MACF1: variants seen among roughly 807,000 people sequenced by gnomAD.
The protein encoded by MACF1 is microtubule actin crosslinking factor 1.
In MACF1, 193 loss-of-function variants were observed where a neutral mutation model predicts 854.8. That is an observed-to-expected ratio of 0.23 (90% confidence interval 0.20 to 0.25). MACF1 has a LOEUF of 0.25. Among genes scored for constraint, MACF1 ranks in the 10% least tolerant of loss-of-function variants. The pLI is 1.00. For synonymous variants in MACF1, 3,185 were observed against 3,226.7 expected (o/e 0.99, Z 0.44); for missense variants, 7,722 against 8,929.1 (o/e 0.86, Z 5.45).
chr1:39,430,971 T>TAC lies in MACF1; in HGVS notation c.17337+64_17337+65insCA. The TAC allele has an allele frequency of 5.7e-6, 8 of 1,392,104 alleles. No individual in the cohort carries two copies. The East Asian group carries it at 9.2e-5, about 16-fold the overall frequency. 86.2% of individuals were successfully genotyped at this position (1,392,104 alleles called of 1,614,324 possible). ...AGTATTGATGTGTGAGATACAGTACTATGACCCACATAAATACAGACTCAG... is the reference window on the plus strand; with the variant it reads ...AGTATTGATGTGTGAGATACAGTACTACATGACCCACATAAATACAGACTCAG... On this transcript the variant is annotated intron_variant, in intron 66 of 100. Coordinates refer to ENST00000564288, the MANE Select transcript of MACF1 (RefSeq NM_001394062.1).
At chr1:39,345,711 C>G (rs953853889) in intron 40 of MACF1, among the ~76,000 whole-genome samples, 2 of 152,158 alleles carry the variant, frequency 1.3e-5, no homozygotes, top group Non-Finnish European at 2.9e-5. Context: ...AAATTTGAAC[C>G]TAAGAAAGTA....
chr1:39,140,721 C>T (rs990292513), intron 2 of MACF1, among the ~76,000 whole-genome samples: 1 of 151,968 alleles, frequency 6.6e-6, no homozygotes, highest in African/African-American at 2.4e-5. Context: ...TCAAGACTAT[C>T]CTGGCCAACA....
chr1:39,357,991 C>A, intron 45 of MACF1, 98 bp downstream of exon 45: 1 of 1,232,462 alleles, frequency 8.1e-7, no homozygotes, highest in Non-Finnish European at 1.1e-6. Flanking sequence ...CTCCAGGACA[C>A]AGTAGGAGAG....
rs184062252 is a variant in MACF1 at position 39,362,579 on chromosome 1, G to A, written c.12771+902G>A. Among the ~76,000 whole-genome samples, 5 of 152,172 alleles carry A rather than the reference G, an allele frequency of 3.3e-5. No individual in the cohort carries two copies. The East Asian group carries it at 7.7e-4, about 23-fold the overall frequency. Reference sequence around the variant, plus strand: ...ACTTAACGTTTTCCCAAATGTGGTCGGTGGGAGCCTCTTCAAGCTGTCTCC... The same window carrying A: ...ACTTAACGTTTTCCCAAATGTGGTCAGTGGGAGCCTCTTCAAGCTGTCTCC... On this transcript the variant is annotated intron_variant, in intron 49 of 100. Coordinates refer to ENST00000564288, the MANE Select transcript of MACF1 (RefSeq NM_001394062.1).
chr1:39,318,458 C>T lies in MACF1; in HGVS notation c.3788C>T (p.Ser1263Phe). ...RVIAQLEIRQ[S>F]ELESIQEVLG... ...GTTTCCCTTTGTTCTTCTAGCCAATCTGAGCTAGAAAGTATCCAGGAAGTT... is the reference window on the plus strand; with the variant it reads ...GTTTCCCTTTGTTCTTCTAGCCAATTTGAGCTAGAAAGTATCCAGGAAGTT... The change falls in exon 30 of 101, where the codon TCT becomes TTT. Residue 1263 changes from serine (S) to phenylalanine (F), a missense_variant. By Grantham distance (155) the Ser-to-Phe change is radical. Around this residue, in one of 15 missense-constraint regions of MACF1, gnomAD observed 1,137 missense variants for 1,263.0 expected, o/e 0.90. Transcript: ENST00000564288. 6.2e-7 allele frequency: 1 copy of T among 1,613,152 alleles called. No homozygotes were observed. Among genetic ancestry groups the T allele is most frequent in the Non-Finnish European group, 8.5e-7 (1 of 1,179,538 alleles).
In MACF1 at chr1:39,322,931, T is replaced by C. The variant is rs1184830681; in HGVS notation, c.4159T>C (p.Tyr1387His). The C allele has an allele frequency of 6.2e-7, 1 of 1,614,124 alleles. No individual in the cohort carries two copies. Among genetic ancestry groups the C allele is most frequent in the Non-Finnish European group, 8.5e-7 (1 of 1,179,962 alleles). The change falls in exon 33 of 101, where the codon TAC becomes CAC. Residue 1387 changes from tyrosine (Y) to histidine (H), a missense_variant. Coordinates refer to ENST00000564288, the MANE Select transcript of MACF1 (RefSeq NM_001394062.1). ...ACAGTTCATGGACTTAAGGACTCGC[T>C]ACACGGCATTGGTGACTTTAACAAC... ...TQEFMDLRTR[Y>H]TALVTLTTQH... is the part of the protein sequence containing the mutation.
At chr1:39,146,782 C>T (rs1192173371) in intron 2 of MACF1, among the ~76,000 whole-genome samples, 5 of 151,368 alleles carry the variant, frequency 3.3e-5, no homozygotes, top group Non-Finnish European at 7.4e-5. Flanking sequence ...CTAGTATTTG[C>T]TAGCACAACA....
intron 15 of MACF1, among the ~76,000 whole-genome samples, chr1:39,288,647 C>G (rs1005335333): frequency 6.6e-6 from 1 of 151,748 alleles, no homozygotes; most frequent in African/African-American, 2.4e-5. Flanking sequence ...GAAAACTAAC[C>G]GGGAATGATG....
At chr1:39,455,752 A>G (rs1254459153) in intron 89 of MACF1, among the ~76,000 whole-genome samples, 1 of 152,200 alleles carries the variant, frequency 6.6e-6, no homozygotes, top group African/African-American at 2.4e-5. Flanking sequence ...GCTCTCTCGC[A>G]TGAACCCAGT....
intron 49 of MACF1, among the ~76,000 whole-genome samples, chr1:39,366,190 CATTTT>C (rs1462215633): frequency 1.3e-5 from 2 of 152,146 alleles, no homozygotes; most frequent in Non-Finnish European, 2.9e-5. Context: ...GAGAAGTTAG[CATTTT>C]TATGTGGGTC....
At chr1:39,431,889 T>A (rs1451256931) in intron 66 of MACF1, among the ~76,000 whole-genome samples, 1 of 152,068 alleles carries the variant, frequency 6.6e-6, no homozygotes. Context: ...GGTGAAAGGA[T>A]CACTCGCGCC....
rs538545276 is a variant in MACF1 at position 39,364,647 on chromosome 1, C to T, written c.12771+2970C>T. Among the ~76,000 whole-genome samples the T allele has an allele frequency of 9.4e-4, 143 of 152,156 alleles. 1 individual carries two copies. Among genetic ancestry groups the T allele is most frequent in the Non-Finnish European group, 1.5e-3 (105 of 67,984 alleles). On this transcript the variant is annotated intron_variant, in intron 49 of 100. Coordinates refer to ENST00000564288, the MANE Select transcript of MACF1 (RefSeq NM_001394062.1). ...AGCTGGGACTACAGGTGCCTGCCAC[C>T]GCGCCTGGCTAATTTTTTGTATTTT...
At chr1:39,306,317 G>A (rs1326847867) in intron 23 of MACF1, among the ~76,000 whole-genome samples, 4 of 151,876 alleles carry the variant, frequency 2.6e-5, no homozygotes, top group Admixed American at 6.6e-5. Context: ...TAGTAGAGAC[G>A]GGGTTTCACC....
chr1:39,188,012 C>G (rs1269745836), intron 2 of MACF1, among the ~76,000 whole-genome samples: 3 of 128,574 alleles, frequency 2.3e-5, no homozygotes, highest in Non-Finnish European at 1.6e-5. Flanking sequence ...CCTTCCCTTT[C>G]TTTTCTTTTT....
At chr1:39,252,906 T>G (rs1645057659) in intron 4 of MACF1, among the ~76,000 whole-genome samples, 2 of 152,198 alleles carry the variant, frequency 1.3e-5, no homozygotes, top group Non-Finnish European at 2.9e-5. Context: ...GCTTCCATCC[T>G]TATCTCTCCA....
At chr1:39,484,395 T>A (rs1645069107) in intron 99 of MACF1, among the ~76,000 whole-genome samples, 1 of 152,180 alleles carries the variant, frequency 6.6e-6, no homozygotes, top group South Asian at 2.1e-4. Context: ...CATTTTGAAA[T>A]TTTTATTTGG....
In MACF1 at chr1:39,295,873, T is replaced by G. The variant is rs1466481948; in HGVS notation, c.2346T>G (p.Ala782=). The change falls in exon 20 of 101, where the codon GCT becomes GCG. Residue 782 remains alanine (A), a synonymous_variant. Transcript: ENST00000564288. The stretch of plus-strand genomic sequence containing the variant: ...AGCAGCATGTGAAAGAGAATACTGC[T>G]TATTTTCAGGTGTGATGGATTTCTG... ...CVEQHVKENT[A]YFQFFSDARE... 6.2e-7 allele frequency: 1 copy of G among 1,613,736 alleles called. No homozygotes were observed. Among genetic ancestry groups the G allele is most frequent in the African/African-American group, 1.3e-5 (1 of 74,906 alleles).
rs191874295 is a variant in MACF1 at position 39,321,934 on chromosome 1, A to G, written c.4030-674A>G. 2.6e-5 allele frequency among the ~76,000 whole-genome samples: 4 copies of G among 152,296 alleles called. No individual in the cohort carries two copies. In the East Asian group the frequency reaches 5.8e-4, roughly 22 times the overall value. The stretch of plus-strand genomic sequence containing the variant: ...GTGGAACAATAGAGAATAAATTGAG[A>G]TTAGACTAGAAGCAGTGAAAGTACC... On this transcript the variant is annotated intron_variant, in intron 31 of 100. Coordinates refer to ENST00000564288, the MANE Select transcript of MACF1 (RefSeq NM_001394062.1).
chr1:39,465,213 GCCTGGGTCGCA>G, intron 95 of MACF1, 101 bp downstream of exon 95: 2 of 1,211,168 alleles, frequency 1.7e-6, no homozygotes, highest in South Asian at 2.4e-5. Flanking sequence ...TCTGAAGCAT[GCCTGGGTCGCA>G]CCTGGTTGTC....
Sources: allele counts gnomAD v4.1 joint callset (sites outside exome capture counted in the v4.1 genomes callset), GRCh38; gene constraint gnomAD v4.1.1; regional missense constraint gnomAD v4.1.1; transcripts MANE v1.5; gene names NCBI Gene and HGNC (gene_info 2026-07-23, HGNC 2026-07-21).